Variants in TBC1D21 observed in about 807,000 individuals in gnomAD.
The protein encoded by TBC1D21 is TBC1 domain family member 21.
In TBC1D21, 38 loss-of-function variants were observed where a neutral mutation model predicts 46.0. The ratio of observed to expected loss-of-function variants is 0.83; its 90% CI spans 0.64 to 1.08. The LOEUF (loss-of-function observed/expected upper bound fraction) is 1.08. Among genes scored for constraint, TBC1D21 ranks in the 50% least tolerant of loss-of-function variants. TBC1D21 has a pLI of 0.00. For missense variants in TBC1D21, 415 were observed against 417.9 expected (o/e 0.99, Z 0.06); for synonymous variants, 151 against 157.2 (o/e 0.96, Z 0.29).
At chr15:73,882,779 C>A (rs1416313558) in intron 3 of TBC1D21, among the ~76,000 whole-genome samples, 1 of 152,196 alleles carries the variant, frequency 6.6e-6, no homozygotes, top group Non-Finnish European at 1.5e-5. Flanking sequence ...AGGTAAGGCA[C>A]CTTGCACAGG....
chr15:73,875,109 C>T (rs566433163), intron 1 of TBC1D21, among the ~76,000 whole-genome samples: 122 of 151,948 alleles, frequency 8.0e-4, no homozygotes, highest in African/African-American at 2.7e-3. Flanking sequence ...ATTAGCCAGG[C>T]GTGGTAGTGA....
the TBC1D21 span, among the ~76,000 whole-genome samples, chr15:73,909,094 A>G: frequency 6.6e-6 from 1 of 152,244 alleles, no homozygotes; most frequent in Non-Finnish European, 1.5e-5. Flanking sequence ...TGTAAAGGCC[A>G]GGCGCAGTGG....
At chr15:73,882,029 A>G (rs1238750698) in intron 3 of TBC1D21, among the ~76,000 whole-genome samples, 1 of 151,902 alleles carries the variant, frequency 6.6e-6, no homozygotes, top group Non-Finnish European at 1.5e-5. Context: ...CTTATGGCCT[A>G]TGCATTCTTC....
Position 73,888,502 on chromosome 15 carries a change from A to G in TBC1D21, c.967A>G (p.Ile323Val). 6.2e-7 allele frequency: 1 copy of G among 1,613,940 alleles called. No homozygotes were observed. Among genetic ancestry groups the G allele is most frequent in the Admixed American group, 1.7e-5 (1 of 60,004 alleles). ...SAACVVYAEL[I>V]QKDVPQTLKD... ...CGCCTGCGTGGTTTATGCTGAGCTC[A>G]TCCAGAAGGATGTAAGTTGCCCCAA... The change falls in exon 10 of 11, where the codon ATC becomes GTC. Residue 323 changes from isoleucine to valine, a missense_variant. By Grantham distance (29) the Ile-to-Val change is conservative. Coordinates refer to ENST00000300504, the MANE Select transcript of TBC1D21 (RefSeq NM_153356.3).
intron 2 of TBC1D21, 45 bp from the exon 3 acceptor site, chr15:73,881,599 G>A: frequency 6.2e-7 from 1 of 1,603,292 alleles, no homozygotes; most frequent in Non-Finnish European, 8.5e-7. Flanking sequence ...CCTTTTGGTA[G>A]GCATCGATAG....
At chr15:73,888,665 C>T in intron 10 of TBC1D21, 152 bp downstream of exon 10, 1 of 676,608 alleles carries the variant, frequency 1.5e-6, no homozygotes, top group Admixed American at 2.1e-5. Context: ...TCTTCTTCCT[C>T]CTCCTCTTCC....
At chr15:73,904,411 TTC>T in the TBC1D21 span, among the ~76,000 whole-genome samples, 1 of 152,242 alleles carries the variant, frequency 6.6e-6, no homozygotes, top group Non-Finnish European at 1.5e-5. Flanking sequence ...CCTCTTCCAA[TTC>T]TGCATTCAGT....
chr15:73,886,515 G>A lies in TBC1D21; in HGVS notation c.680G>A (p.Gly227Glu). 1.2e-6 allele frequency: 2 copies of A among 1,613,674 alleles called. No individual in the cohort carries two copies. The highest frequency in any genetic ancestry group is 1.7e-6 in the Non-Finnish European group (2 of 1,179,956). Reference protein sequence around the residue: ...LDPVFAEHLKGKGAGAVQSLF... With the variant: ...LDPVFAEHLKEKGAGAVQSLF... ...GCCTCACCTTCTCTCCCCACAGAAG[G>A]GAAGGGTGCAGGGGCTGTGCAGTCC... The change falls in exon 8 of 11, where the codon GGG becomes GAG. Residue 227 changes from glycine to glutamate, a missense_variant. By Grantham distance (98) the Gly-to-Glu change is moderately conservative. Transcript: ENST00000300504.
At chr15:73,885,219 G>C in intron 6 of TBC1D21, 116 bp downstream of exon 6, 1 of 914,462 alleles carries the variant, frequency 1.1e-6, no homozygotes, top group African/African-American at 1.6e-5. Context: ...CAGGCTTCTG[G>C]GTCTCAGAGG....
chr15:73,881,088 T>C (rs1257243076), intron 1 of TBC1D21, among the ~76,000 whole-genome samples: 1 of 152,232 alleles, frequency 6.6e-6, no homozygotes, highest in African/African-American at 2.4e-5. Flanking sequence ...TATTCATTCC[T>C]TGTAAACAAC....
In TBC1D21 at chr15:73,889,207, T is replaced by A; in HGVS notation, c.*106T>A. On this transcript the variant is annotated 3_prime_UTR_variant, in exon 11 of 11. Coordinates refer to ENST00000300504, the MANE Select transcript of TBC1D21 (RefSeq NM_153356.3). Reference sequence around the variant, plus strand: ...AACAGCTGCAATATAAACAGTCCTCTGGAATAATGGTTTGTGGTGGATGCT... The same window carrying A: ...AACAGCTGCAATATAAACAGTCCTCAGGAATAATGGTTTGTGGTGGATGCT... 1 of 1,309,424 alleles carries A rather than the reference T, an allele frequency of 7.6e-7. No individual in the cohort carries two copies. The highest frequency in any genetic ancestry group is 1.3e-5 in the South Asian group (1 of 79,284). The allele number at this position is 1,309,424 out of a possible 1,614,324, so 81.1% of individuals were successfully genotyped here. A position where few individuals can be genotyped will look rare whatever the true frequency, so the allele number is the denominator to read the frequency against.
At chr15:73,898,900 T>TAC in the TBC1D21 span, among the ~76,000 whole-genome samples, 4 of 129,012 alleles carry the variant, frequency 3.1e-5, no homozygotes, top group African/African-American at 5.7e-5. Flanking sequence ...TATATATATA[T>TAC]ATACACACAC....
intron 9 of TBC1D21, among the ~76,000 whole-genome samples, chr15:73,887,985 C>T (rs1254456095): frequency 3.9e-5 from 6 of 152,228 alleles, no homozygotes; most frequent in Non-Finnish European, 7.3e-5. Flanking sequence ...CTAGTTAACA[C>T]ATGAGGAAAT....
Position 73,884,687 on chromosome 15 carries a change from T to C in TBC1D21, c.368-94T>C, listed in dbSNP as rs548487477. 1.5e-4 allele frequency: 129 copies of C among 842,334 alleles called. 1 individual carries two copies. The East Asian group carries it at 2.8e-3, about 18-fold the overall frequency. The allele number at this position is 842,334 out of a possible 1,614,324, so 52.2% of individuals were successfully genotyped here. On this transcript the variant is annotated intron_variant, in intron 4 of 10. Transcript: ENST00000300504. Reference sequence around the variant, plus strand: ...AGCTCCCTCTCCCTCCAGGATGTCCTAGGGCCTGCCCATTGGGGTAGGGGA... The same window carrying C: ...AGCTCCCTCTCCCTCCAGGATGTCCCAGGGCCTGCCCATTGGGGTAGGGGA...
At chr15:73,902,837 C>T in the TBC1D21 span, among the ~76,000 whole-genome samples, 1 of 152,216 alleles carries the variant, frequency 6.6e-6, no homozygotes, top group South Asian at 2.1e-4. Flanking sequence ...CAGCTGAGTG[C>T]CCTGGTGGCT....
At position 73,886,514 on chromosome 15, in the gene TBC1D21, G is replaced by A; in HGVS notation, c.679G>A (p.Gly227Arg). 1.9e-6 allele frequency: 3 copies of A among 1,613,730 alleles called. No individual in the cohort carries two copies. The highest frequency in any genetic ancestry group is 1.1e-5 in the South Asian group (1 of 91,058). The change falls in exon 8 of 11, where the codon GGG becomes AGG. Residue 227 changes from glycine (G) to arginine (R), a missense_variant and splice_region_variant. Gly to Arg is a moderately radical substitution (Grantham distance 125). Coordinates refer to ENST00000300504, the MANE Select transcript of TBC1D21 (RefSeq NM_153356.3). ...AGCCTCACCTTCTCTCCCCACAGAA[G>A]GGAAGGGTGCAGGGGCTGTGCAGTC... is the stretch of plus-strand genomic sequence containing the variant. ...LDPVFAEHLK[G>R]KGAGAVQSLF...
rs183579451 is a variant in TBC1D21 at position 73,888,448 on chromosome 15, G to A, written c.913G>A (p.Asp305Asn). 220 of 1,613,830 alleles carry A rather than the reference G, an allele frequency of 1.4e-4. 2 individuals carry two copies. In the Middle Eastern group the frequency reaches 2.6e-3, roughly 19 times the overall value. Residue 305 changes from aspartate (D) to asparagine (N), a missense_variant, in exon 10 of 11, where the codon GAC becomes AAC. Transcript: ENST00000300504. ...CATGCAGGCCTGCAACAACCTCATC[G>A]ACCTTGATGCTGATGAGCTGATCTC... The part of the protein sequence containing the change: ...DILLACNNLI[D>N]LDADELISAA...
chr15:73,876,884 C>T (rs1316681349), intron 1 of TBC1D21, among the ~76,000 whole-genome samples: 1 of 151,972 alleles, frequency 6.6e-6, no homozygotes, highest in Non-Finnish European at 1.5e-5. Context: ...AGTGGAAAAT[C>T]CTTGCCTTTT....
In TBC1D21 at chr15:73,887,631, G is replaced by T; in HGVS notation, c.789G>T (p.Thr263=). 2 of 1,613,882 alleles carry T rather than the reference G, an allele frequency of 1.2e-6. No homozygotes were observed. The highest frequency in any genetic ancestry group is 8.5e-7 in the Non-Finnish European group (1 of 1,179,924). ...GTCCTGACCCACAGGTTCTGCTGAC[G>T]GGGAAGCCCTGCAGGAACTTCCAGG... ...DVWRLWEVLL[T]GKPCRNFQVL... is the part of the protein sequence containing the mutation. Residue 263 remains threonine (T), a synonymous_variant, in exon 9 of 11, where the codon ACG becomes ACT. Transcript: ENST00000300504.
Sources: gnomAD v4.1 joint callset for allele counts (sites outside exome capture counted in the v4.1 genomes callset) on GRCh38, gnomAD v4.1.1 for gene constraint, MANE v1.5 for transcripts, NCBI Gene and HGNC (gene_info 2026-07-23, HGNC 2026-07-21) for gene names.